HS3ST4: variants seen among roughly 807,000 people sequenced by gnomAD.
HS3ST4 encodes the protein heparan sulfate-glucosamine 3-sulfotransferase 4.
In HS3ST4, 17 loss-of-function variants were observed where a neutral mutation model predicts 29.2. The observed-to-expected ratio is 0.58, with a 90% confidence interval of 0.40 to 0.87. The LOEUF is 0.87. Ranked by LOEUF, HS3ST4 falls within the 40% of genes least tolerant of loss-of-function variation. HS3ST4 has a pLI of 0.00. For missense variants in HS3ST4, 627 were observed against 634.5 expected, an observed-to-expected ratio of 0.99 and a Z score of 0.13; for synonymous variants, 314 against 285.7, an observed-to-expected ratio of 1.10 and a Z score of -1.00.
chr16:25,876,997 A>T (rs376405385), intron 1 of HS3ST4, among the ~76,000 whole-genome samples: 15 of 152,078 alleles, frequency 9.9e-5, no homozygotes, highest in East Asian at 3.9e-4. Context: ...CCCTAGCTAC[A>T]TGACTTTGTG....
chr16:25,737,530 A>T (rs895653202), intron 1 of HS3ST4, among the ~76,000 whole-genome samples: 4 of 152,302 alleles, frequency 2.6e-5, no homozygotes, highest in Non-Finnish European at 5.9e-5. Flanking sequence ...TATAAGTGGG[A>T]GCTAAGTAAT....
intron 1 of HS3ST4, among the ~76,000 whole-genome samples, chr16:25,701,247 C>T (rs1054976431): frequency 1.1e-4 from 16 of 152,164 alleles, no homozygotes; most frequent in Admixed American, 9.8e-4. Flanking sequence ...TTAAGAACTT[C>T]TGTAGGAAAT....
At chr16:26,053,611 T>A (rs2141767031) in intron 1 of HS3ST4, among the ~76,000 whole-genome samples, 1 of 152,296 alleles carries the variant, frequency 6.6e-6, no homozygotes, top group South Asian at 2.1e-4. Flanking sequence ...GGTTTGGGAC[T>A]TTCATGTATG....
intron 1 of HS3ST4, among the ~76,000 whole-genome samples, chr16:25,944,383 T>A (rs1421963681): frequency 1.3e-5 from 2 of 152,200 alleles, no homozygotes; most frequent in African/African-American, 4.8e-5. Flanking sequence ...AGTTCCCCCC[T>A]GGGAATGTTG....
chr16:25,880,032 T>G (rs1352067473), intron 1 of HS3ST4, among the ~76,000 whole-genome samples: 5 of 152,284 alleles, frequency 3.3e-5, no homozygotes, highest in Admixed American at 3.3e-4. Flanking sequence ...CATGTGGGGA[T>G]TATTACAATT....
chr16:25,920,320 A>G (rs967779147), intron 1 of HS3ST4, among the ~76,000 whole-genome samples: 4 of 152,098 alleles, frequency 2.6e-5, no homozygotes, highest in African/African-American at 7.2e-5. Context: ...AAACTAAACT[A>G]TGGTCTGTCA....
At chr16:26,066,546 T>C (rs1241553856) in intron 1 of HS3ST4, among the ~76,000 whole-genome samples, 1 of 152,156 alleles carries the variant, frequency 6.6e-6, no homozygotes, top group Non-Finnish European at 1.5e-5. Context: ...CTCTCTTCTT[T>C]TCTTCCTCTT....
At chr16:26,047,855 C>G (rs1204483836) in intron 1 of HS3ST4, among the ~76,000 whole-genome samples, 2 of 152,168 alleles carry the variant, frequency 1.3e-5, no homozygotes, top group African/African-American at 4.8e-5. Context: ...AGCGGTGTAA[C>G]AGAGACTGCA....
At chr16:25,872,192 T>G (rs1205845751) in intron 1 of HS3ST4, among the ~76,000 whole-genome samples, 1 of 152,190 alleles carries the variant, frequency 6.6e-6, no homozygotes, top group Non-Finnish European at 1.5e-5. Context: ...CGTGGTCAGC[T>G]TATGTGCTTA....
chr16:26,119,894 A>G (rs141829121), intron 1 of HS3ST4, among the ~76,000 whole-genome samples: 59 of 152,290 alleles, frequency 3.9e-4, no homozygotes, highest in African/African-American at 1.3e-3. Flanking sequence ...AGGTAATTTC[A>G]GATAACAGCA....
chr16:25,840,869 C>A (rs961847979), intron 1 of HS3ST4, among the ~76,000 whole-genome samples: 2 of 152,150 alleles, frequency 1.3e-5, no homozygotes. Context: ...CAAACCCAAT[C>A]CATGGGCCAT....
chr16:26,092,404 C>G (rs543422955), intron 1 of HS3ST4, among the ~76,000 whole-genome samples: 34 of 152,278 alleles, frequency 2.2e-4, no homozygotes, highest in African/African-American at 7.9e-4. Context: ...CATGTCCAGT[C>G]CCCACTGCCC....
intron 1 of HS3ST4, among the ~76,000 whole-genome samples, chr16:25,723,127 C>T (rs757275126): frequency 3.9e-5 from 6 of 152,160 alleles, no homozygotes; most frequent in East Asian, 1.9e-4. Flanking sequence ...GTTATCTCCC[C>T]GGGTCCCTCC....
intron 1 of HS3ST4, among the ~76,000 whole-genome samples, chr16:25,821,732 G>C (rs911730120): frequency 6.6e-6 from 1 of 152,052 alleles, no homozygotes; most frequent in African/African-American, 2.4e-5. Context: ...TTTGAGACCA[G>C]CCTGGGCAAC....
chr16:25,762,743 G>A (rs577160069), intron 1 of HS3ST4, among the ~76,000 whole-genome samples: 1 of 151,598 alleles, frequency 6.6e-6, no homozygotes, highest in Non-Finnish European at 1.5e-5. Flanking sequence ...AAAACCACCC[G>A]ACGTGTACCT....
At chr16:25,882,158 T>C (rs1967901402) in intron 1 of HS3ST4, among the ~76,000 whole-genome samples, 1 of 152,214 alleles carries the variant, frequency 6.6e-6, no homozygotes, top group Admixed American at 6.5e-5. Flanking sequence ...TTCTCTTTCA[T>C]GTGCTACAGA....
intron 1 of HS3ST4, among the ~76,000 whole-genome samples, chr16:26,089,025 C>T (rs1395007716): frequency 6.6e-6 from 1 of 152,212 alleles, no homozygotes; most frequent in African/African-American, 2.4e-5. Flanking sequence ...TAGCTTGTTG[C>T]CTGCCTGTAG....
Position 25,815,572 on chromosome 16 carries a change from C to G in HS3ST4, c.734+122421C>G, listed in dbSNP as rs560275806. 2.2e-3 allele frequency among the ~76,000 whole-genome samples: 331 copies of G among 152,262 alleles called. 1 individual carries two copies. The highest frequency in any genetic ancestry group is 7.7e-3 in the African/African-American group (322 of 41,552). ...CTCCTGACCTCAGGTGATCCACCCC[C>G]TTGACCCCCCACAGTGCTGGGATTC... On this transcript the variant is annotated intron_variant, in intron 1 of 1. Coordinates refer to ENST00000331351, the MANE Select transcript of HS3ST4 (RefSeq NM_006040.3).
At chr16:25,804,387 C>T (rs983501572) in intron 1 of HS3ST4, among the ~76,000 whole-genome samples, 6 of 152,188 alleles carry the variant, frequency 3.9e-5, no homozygotes, top group African/African-American at 1.4e-4. Context: ...CTCTTCACCA[C>T]CTTTAATGTT....
Sources: allele counts gnomAD v4.1 joint callset (sites outside exome capture counted in the v4.1 genomes callset), GRCh38; gene constraint gnomAD v4.1.1; transcripts MANE v1.5; gene names NCBI Gene and HGNC (gene_info 2026-07-23, HGNC 2026-07-21).